The following IGSF9B variants were observed in gnomAD, a reference collection of about 807,000 sequenced individuals.
The protein encoded by IGSF9B is protein turtle homolog B.
Under a neutral mutation model 143.7 loss-of-function variants are expected in IGSF9B, and 48 were observed. That is an observed-to-expected ratio of 0.33 (90% CI 0.26 to 0.42). IGSF9B has a LOEUF of 0.42. IGSF9B is among the 20% of genes least tolerant of loss of function. The pLI, the probability that IGSF9B is intolerant of heterozygous loss-of-function variation, is 1.00. For missense variants in IGSF9B, 1,706 were observed against 1,980.0 expected (o/e 0.86, Z 2.63); for synonymous variants, 903 against 833.1 (o/e 1.08, Z -1.44).
At chr11:133,933,877 G>T (rs1005576607) in intron 7 of IGSF9B, among the ~76,000 whole-genome samples, 14 of 152,140 alleles carry the variant, frequency 9.2e-5, no homozygotes, top group Non-Finnish European at 2.9e-5. Context: ...GAGGATGAAT[G>T]AGCTGGTATC....
chr11:133,952,228 C>T (rs930632315), intron 1 of IGSF9B: 3 of 359,434 alleles, frequency 8.3e-6, no homozygotes, highest in African/African-American at 6.4e-5. Context: ...GGCTCACACC[C>T]ATGGGCAGCG....
chr11:133,909,364 G>T lies in IGSF9B; in HGVS notation c.4106-87C>A. On this transcript the variant is annotated intron_variant, in intron 19 of 19. Coordinates refer to ENST00000533871, the MANE Select transcript of IGSF9B (RefSeq NM_001277285.4). This position sits in a 1 kb window ranked among gnomAD's most constrained non-coding sequence, Gnocchi z 4.2. The stretch of plus-strand genomic sequence containing the variant: ...CTGCTCACCTTTTCCACCTGCATTT[G>T]TTCCGGGTTTCTAATGTTGAAACAA... The T allele has an allele frequency of 9.3e-7, 1 of 1,075,638 alleles. No homozygotes were observed. Among genetic ancestry groups the T allele is most frequent in the Non-Finnish European group, 1.4e-6 (1 of 734,220 alleles). 66.6% of individuals were successfully genotyped at this position (1,075,638 alleles called of 1,614,324 possible).
intron 3 of IGSF9B, among the ~76,000 whole-genome samples, chr11:133,942,163 C>T (rs934362739): frequency 6.6e-6 from 1 of 152,032 alleles, no homozygotes; most frequent in Non-Finnish European, 1.5e-5. Context: ...TTTTTCCTCT[C>T]GAGAAGGAGG....
chr11:133,925,903 T>C lies in IGSF9B; in HGVS notation c.1870A>G (p.Asn624Asp). The C allele has an allele frequency of 6.2e-7, 1 of 1,612,364 alleles. No homozygotes were observed. Among genetic ancestry groups the C allele is most frequent in the Non-Finnish European group, 8.5e-7 (1 of 1,179,196 alleles). The stretch of plus-strand genomic sequence containing the variant: ...AGGAGCACACCCTGCTGAGTCCGAT[T>C]GGCTATGAGGCACCTCGGTGGGGTG... The part of the protein sequence containing the change: ...LVTPPRCLIA[N>D]RTQQGVLLSW... Residue 624 changes from asparagine to aspartate, a missense_variant, in exon 14 of 20, where the codon AAT becomes GAT. Transcript: ENST00000533871.
In IGSF9B at chr11:133,920,924, G is replaced by A. The variant is rs551042626; in HGVS notation, c.2801C>T (p.Pro934Leu). The A allele has an allele frequency of 8.6e-5, 138 of 1,609,910 alleles. 1 individual carries two copies. In the South Asian group the frequency reaches 1.4e-3, roughly 17 times the overall value. ...PPPAYSPRFQ[P>L]RGLEGPGGLE... ...GCCACCGGGGCCCTCCAGCCCGCGGGGCTGGAACCGAGGGCTGTATGCTGG... is the reference window on the plus strand; with the variant it reads ...GCCACCGGGGCCCTCCAGCCCGCGGAGCTGGAACCGAGGGCTGTATGCTGG... The change falls in exon 18 of 20, where the codon CCC becomes CTC. Residue 934 changes from proline (P) to leucine (L), a missense_variant. Coordinates refer to ENST00000533871, the MANE Select transcript of IGSF9B (RefSeq NM_001277285.4).
chr11:133,910,210 C>T (rs887603513), intron 19 of IGSF9B, among the ~76,000 whole-genome samples: 1 of 152,140 alleles, frequency 6.6e-6, no homozygotes, highest in African/African-American at 2.4e-5. Flanking sequence ...TGTATGTGCA[C>T]ACACGCCTGC....
intron 18 of IGSF9B, chr11:133,919,090 G>A (rs373112099): frequency 2.3e-6 from 1 of 441,470 alleles, no homozygotes; most frequent in Non-Finnish European, 4.6e-6. Context: ...GAGCTGGTCT[G>A]TCTCTCTGCA....
chr11:133,920,647 G>A lies in IGSF9B; in HGVS notation c.3078C>T (p.Pro1026=). 1.9e-6 allele frequency: 3 copies of A among 1,613,550 alleles called. No individual in the cohort carries two copies. The highest frequency in any genetic ancestry group is 2.2e-5 in the South Asian group (2 of 91,090). ...GCCCTCCTGTAGGTGTCTGAGTCAA[G>A]GGCAGCGTGCTGTTGGATGCATTCT... is the stretch of plus-strand genomic sequence containing the variant. ...NGENASNSTL[P]LTQTPTGGRS... The change falls in exon 18 of 20, where the codon CCC becomes CCT. Residue 1026 remains proline (P), a synonymous_variant. Coordinates refer to ENST00000533871, the MANE Select transcript of IGSF9B (RefSeq NM_001277285.4).
chr11:133,924,295 G>A (rs1939587755), intron 15 of IGSF9B, among the ~76,000 whole-genome samples: 1 of 152,096 alleles, frequency 6.6e-6, no homozygotes, highest in Non-Finnish European at 1.5e-5. Flanking sequence ...AGGGCCAAGA[G>A]AAAGAAAGAT....
chr11:133,921,473 G>T, intron 17 of IGSF9B, 76 bp from the exon 18 acceptor site: 1 of 1,169,998 alleles, frequency 8.5e-7, no homozygotes, highest in Non-Finnish European at 1.2e-6. Flanking sequence ...CCCTCTCTCG[G>T]CAACCACCCA....
At position 133,953,704 on chromosome 11, in the gene IGSF9B, A is replaced by G. The variant is rs1006858293; in HGVS notation, c.64+2987T>C. ...AGACAGAGGAGGCAGCCGTGGGAGT[A>G]AAGTCTGGGACTTTCCTCCCCTATC... On this transcript the variant is annotated intron_variant, in intron 1 of 19. Coordinates refer to ENST00000533871, the MANE Select transcript of IGSF9B (RefSeq NM_001277285.4). The surrounding 1 kb of genome is among the most constrained non-coding windows in gnomAD (Gnocchi z 4.2). 2.0e-5 allele frequency among the ~76,000 whole-genome samples: 3 copies of G among 152,168 alleles called. No homozygotes were observed. Among genetic ancestry groups the G allele is most frequent in the African/African-American group, 7.2e-5 (3 of 41,426 alleles).
At position 133,902,477 on chromosome 11, in the gene IGSF9B, ACAC is replaced by A. The variant is rs1939152753; in HGVS notation, c.*6589_*6591del. 6.7e-6 allele frequency among the ~76,000 whole-genome samples: 1 copy of A among 148,426 alleles called. No individual in the cohort carries two copies. Among genetic ancestry groups the A allele is most frequent in the Admixed American group, 6.7e-5 (1 of 14,934 alleles). On this transcript the variant is annotated 3_prime_UTR_variant, in exon 20 of 20. Coordinates refer to ENST00000533871, the MANE Select transcript of IGSF9B (RefSeq NM_001277285.4). ...CACCACACACAGATACACACACCAC[ACAC>A]AACACACACACACACCAGACATGCA...
At position 133,936,064 on chromosome 11, in the gene IGSF9B, G is replaced by C. The variant is rs1397063649; in HGVS notation, c.810C>G (p.Val270=). Residue 270 remains valine (V), a synonymous_variant, in exon 6 of 20, where the codon GTC becomes GTG. Coordinates refer to ENST00000533871, the MANE Select transcript of IGSF9B (RefSeq NM_001277285.4). ...AGCAGGGTGCTCACTTCTGAAAGTA[G>C]ACGTTCTCGTCCTGCCAGTACCAGG... ...TYTWYWQDEN[V]YFQNDLKLRV... The C allele has an allele frequency of 6.2e-7, 1 of 1,613,608 alleles. No individual in the cohort carries two copies.
At position 133,931,514 on chromosome 11, in the gene IGSF9B, C is replaced by T. The variant is rs1270421560; in HGVS notation, c.1307G>A (p.Arg436Gln). The T allele has an allele frequency of 6.2e-7, 1 of 1,613,276 alleles. No individual in the cohort carries two copies. Among genetic ancestry groups the T allele is most frequent in the African/African-American group, 1.3e-5 (1 of 74,996 alleles). The change falls in exon 10 of 20, where the codon CGG becomes CAG. Residue 436 changes from arginine (R) to glutamine (Q), a missense_variant. Coordinates refer to ENST00000533871, the MANE Select transcript of IGSF9B (RefSeq NM_001277285.4). The surrounding 1 kb of genome is among the most constrained non-coding windows in gnomAD (Gnocchi z 7.7). ...PGWEYRQEAG[R>Q]ELLIPCAAAG... ...GGCAGCACAGGGGATAAGTAGCTCC[C>T]GGCCGGCCTCCTGCCTGTACTCCCA...
rs936337506 is a variant in IGSF9B, at chr11:133,956,708, C to A, written c.47G>T (p.Arg16Leu). ...ATFIASVIGTRGLAAEGAHGL... is the reference protein window; with the variant it reads ...ATFIASVIGTLGLAAEGAHGL... ...CAACTCACCTTCAGCCGCAAGCCCT[C>A]GGGTGCCGATCACACTTGCTATGAA... The change falls in exon 1 of 20, where the codon CGA (arginine) becomes CTA (leucine). Residue 16 changes from arginine to leucine, a missense_variant. Around this residue, in one of 7 missense-constraint regions of IGSF9B, gnomAD observed 171 missense variants for 213.9 expected, o/e 0.80. Coordinates refer to ENST00000533871, the MANE Select transcript of IGSF9B (RefSeq NM_001277285.4). 2 of 1,545,674 alleles carry A rather than the reference C, an allele frequency of 1.3e-6. No homozygotes were observed. Among genetic ancestry groups the A allele is most frequent in the Non-Finnish European group, 1.7e-6 (2 of 1,147,490 alleles).
At position 133,948,941 on chromosome 11, in the gene IGSF9B, A is replaced by G. The variant is rs1260921427; in HGVS notation, c.65-2683T>C. Among the ~76,000 whole-genome samples the G allele has an allele frequency of 6.6e-6, 1 of 152,156 alleles. No homozygotes were observed. The highest frequency in any genetic ancestry group is 1.5e-5 in the Non-Finnish European group (1 of 68,020). On this transcript the variant is annotated intron_variant, in intron 1 of 19. Coordinates refer to ENST00000533871, the MANE Select transcript of IGSF9B (RefSeq NM_001277285.4). This position sits in a 1 kb window ranked among gnomAD's most constrained non-coding sequence, Gnocchi z 4.7. The stretch of plus-strand genomic sequence containing the variant: ...GGCTTTGACGTGGGTTCCCGCTGTG[A>G]GGCTGCTCATTTGCACCGAGCCAGC...
At chr11:133,943,163 T>C (rs928416853) in intron 3 of IGSF9B, among the ~76,000 whole-genome samples, 4 of 152,192 alleles carry the variant, frequency 2.6e-5, no homozygotes, top group Non-Finnish European at 5.9e-5. Flanking sequence ...TCAAGGACCG[T>C]AAGCTGTATG....
rs1940093664 is a variant in IGSF9B, at chr11:133,948,209, A to C, written c.65-1951T>G. On this transcript the variant is annotated intron_variant, in intron 1 of 19. Transcript: ENST00000533871. The surrounding 1 kb of genome is among the most constrained non-coding windows in gnomAD (Gnocchi z 4.7). ...TCTGTGGCTCTCCGTGTCTGTCTGT[A>C]TGTCATCTCTGTGTGTCTTGTTCTC... 6.6e-6 allele frequency among the ~76,000 whole-genome samples: 1 copy of C among 151,348 alleles called. No homozygotes were observed. Among genetic ancestry groups the C allele is most frequent in the South Asian group, 2.1e-4 (1 of 4,768 alleles).
chr11:133,915,870 G>A (rs1939371161), intron 18 of IGSF9B, among the ~76,000 whole-genome samples: 1 of 152,208 alleles, frequency 6.6e-6, no homozygotes, highest in Non-Finnish European at 1.5e-5. Flanking sequence ...GGAGGCAGGG[G>A]AAAGCCACTC....
Sources: allele counts gnomAD v4.1 joint callset (sites outside exome capture counted in the v4.1 genomes callset), GRCh38; gene constraint gnomAD v4.1.1; regional missense constraint gnomAD v4.1.1; non-coding constraint Gnocchi (gnomAD v3.1); transcripts MANE v1.5; gene names NCBI Gene and HGNC (gene_info 2026-07-23, HGNC 2026-07-21).